Variants in ASPH observed in about 807,000 individuals in gnomAD.
The protein encoded by ASPH is aspartate beta-hydroxylase.
A neutral mutation model predicts 118.4 loss-of-function variants in ASPH; 100 were observed. That is an observed-to-expected ratio of 0.84 (90% CI 0.72 to 1.00). The LOEUF is 1.00. Ranked by LOEUF, ASPH falls within the 50% of genes least tolerant of loss-of-function variation. The probability of loss-of-function intolerance (pLI) is 0.00; values close to 1 mark genes in which losing one functional copy is unlikely to be tolerated. For synonymous variants in ASPH, 315 were observed against 325.6 expected, an observed-to-expected ratio of 0.97 and a Z score of 0.35; for missense variants, 920 against 919.5, an observed-to-expected ratio of 1.00 and a Z score of -0.01.
intron 21 of ASPH, among the ~76,000 whole-genome samples, chr8:61,546,420 C>T (rs572403611): frequency 1.3e-5 from 2 of 152,104 alleles, no homozygotes; most frequent in East Asian, 1.9e-4. Context: ...CAGAAGAGTT[C>T]GATGGGATCC....
intron 20 of ASPH, 112 bp from the exon 21 acceptor site, chr8:61,548,320 A>C: frequency 7.7e-7 from 1 of 1,291,662 alleles, no homozygotes; most frequent in Non-Finnish European, 1.0e-6. Context: ...ATTTAAATAA[A>C]GAGCTTACTG....
At chr8:61,615,462 A>G (rs952072453) in intron 14 of ASPH, among the ~76,000 whole-genome samples, 10 of 152,082 alleles carry the variant, frequency 6.6e-5, no homozygotes, top group African/African-American at 2.4e-4. Context: ...TCTCTCCCCT[A>G]TACACACTAA....
chr8:61,635,560 A>G (rs971293384), intron 12 of ASPH, among the ~76,000 whole-genome samples: 3 of 152,048 alleles, frequency 2.0e-5, no homozygotes, highest in African/African-American at 7.2e-5. Context: ...AGTTTCTTCT[A>G]TAAGGTTGGT....
chr8:61,617,073 T>C (rs1588141919), intron 14 of ASPH, among the ~76,000 whole-genome samples: 1 of 152,128 alleles, frequency 6.6e-6, no homozygotes, highest in Admixed American at 6.5e-5. Flanking sequence ...GCAGACAACA[T>C]GTAGACAGCT....
At chr8:61,602,231 C>T (rs1391041283) in intron 14 of ASPH, among the ~76,000 whole-genome samples, 1 of 151,046 alleles carries the variant, frequency 6.6e-6, no homozygotes, top group East Asian at 1.9e-4. Flanking sequence ...AAATCAAATC[C>T]AACAAGATAT....
At chr8:61,514,764 C>T (rs534190831) in intron 24 of ASPH, among the ~76,000 whole-genome samples, 1 of 152,198 alleles carries the variant, frequency 6.6e-6, no homozygotes, top group East Asian at 1.9e-4. Flanking sequence ...CAGGGTCTTA[C>T]TGTGTTGCTC....
chr8:61,657,849 A>G (rs1814565851), intron 3 of ASPH: 1 of 152,226 alleles, frequency 6.6e-6, no homozygotes, highest in Non-Finnish European at 1.5e-5. Flanking sequence ...TCATACACCT[A>G]GCCCATTAAA....
rs146583064 is a variant in ASPH at position 61,601,210 on chromosome 8, T to C, written c.977-17181A>G. ...AGCAGAGAGAACATCAGCAAGGATA[T>C]AGAAGATTTGAACAGTGGTATGAAG... On this transcript the variant is annotated intron_variant, in intron 14 of 24. Coordinates refer to ENST00000379454, the MANE Select transcript of ASPH (RefSeq NM_004318.4). Among the ~76,000 whole-genome samples the C allele has an allele frequency of 2.6e-4, 40 of 151,112 alleles. 1 individual carries two copies. The highest frequency in any genetic ancestry group is 8.9e-4 in the African/African-American group (36 of 40,548).
rs28668164 is a variant in ASPH, at chr8:61,645,839, T to C, written c.619+911A>G. ...GCTGCTAAAGTAATTTTCCAAAATA[T>C]TTAGTATTGTGCAAAGTAGATAAAC... On this transcript the variant is annotated intron_variant, in intron 6 of 24. Coordinates refer to ENST00000379454, the MANE Select transcript of ASPH (RefSeq NM_004318.4). Among the ~76,000 whole-genome samples, 839 of 152,294 alleles carry C rather than the reference T, an allele frequency of 5.5e-3. 9 individuals carry two copies. The highest frequency in any genetic ancestry group is 0.019 in the African/African-American group (788 of 41,556).
chr8:61,625,904 C>A, intron 13 of ASPH: 3 of 1,034,598 alleles, frequency 2.9e-6, no homozygotes, highest in Non-Finnish European at 3.5e-6. Flanking sequence ...ATATGAAAAC[C>A]CTGCCAACAC....
chr8:61,550,442 TACACACACACAC>T (rs34577657), intron 20 of ASPH, among the ~76,000 whole-genome samples: 5 of 147,576 alleles, frequency 3.4e-5, no homozygotes, highest in African/African-American at 9.9e-5. Flanking sequence ...CACATGTACA[TACACACACACAC>T]ACACACACAC....
chr8:61,507,128 C>A (rs1477904623), intron 24 of ASPH, among the ~76,000 whole-genome samples: 1 of 152,156 alleles, frequency 6.6e-6, no homozygotes, highest in Non-Finnish European at 1.5e-5. Context: ...GCATTCCATT[C>A]ATTAAATTAA....
chr8:61,584,541 T>A (rs1838667610), intron 14 of ASPH, among the ~76,000 whole-genome samples: 1 of 152,226 alleles, frequency 6.6e-6, no homozygotes, highest in South Asian at 2.1e-4. Flanking sequence ...CTATGTTCCA[T>A]ACTTCAGCCA....
intron 24 of ASPH, among the ~76,000 whole-genome samples, chr8:61,509,684 T>C (rs1020739743): frequency 6.6e-6 from 1 of 152,160 alleles, no homozygotes; most frequent in Non-Finnish European, 1.5e-5. Flanking sequence ...AAGATGGAGC[T>C]GCTCTGGTTC....
At chr8:61,573,657 C>T (rs367786799) in intron 16 of ASPH, among the ~76,000 whole-genome samples, 1 of 152,186 alleles carries the variant, frequency 6.6e-6, no homozygotes, top group East Asian at 1.9e-4. Context: ...AACTGGCTAG[C>T]CATATGCAGA....
In ASPH at chr8:61,663,372, C is replaced by G. The variant is rs954870643; in HGVS notation, c.323-9712G>C. The G allele has an allele frequency of 4.1e-6, 4 of 985,318 alleles. No homozygotes were observed. The African/African-American group carries it at 7.0e-5, about 17-fold the overall frequency. The allele number at this position is 985,318 out of a possible 1,614,324, so 61.0% of individuals were successfully genotyped here. On this transcript the variant is annotated intron_variant, in intron 3 of 24. Transcript: ENST00000379454. ...CTAACCAGGCCAACTGGAATTATCT[C>G]TCCCAGAGCCATCTGCATTGGGATT... is the stretch of plus-strand genomic sequence containing the variant.
intron 13 of ASPH, chr8:61,623,937 TCTCA>T (rs1318590651): frequency 2.0e-5 from 3 of 152,276 alleles, no homozygotes; most frequent in Admixed American, 1.3e-4. Context: ...CATCACATGT[TCTCA>T]CTAATTTGTG....
intron 16 of ASPH, among the ~76,000 whole-genome samples, chr8:61,569,950 G>GAA (rs1262570549): frequency 6.6e-6 from 1 of 151,738 alleles, no homozygotes. Context: ...GTTATAGTGA[G>GAA]TTAACTCCCC....
chr8:61,628,312 A>G, intron 13 of ASPH: 1 of 344,938 alleles, frequency 2.9e-6, no homozygotes, highest in Non-Finnish European at 5.4e-6. Context: ...GGCACGTGAC[A>G]CCAAGCCCGG....
Sources: gnomAD v4.1 joint callset for allele counts (sites outside exome capture counted in the v4.1 genomes callset) on GRCh38, gnomAD v4.1.1 for gene constraint, MANE v1.5 for transcripts, NCBI Gene and HGNC (gene_info 2026-07-23, HGNC 2026-07-21) for gene names.